CD46: variants seen among roughly 807,000 people sequenced by gnomAD.
CD46 encodes CD46 molecule, also known as membrane cofactor protein.
CD46 carries 30 observed loss-of-function variants against 53.3 expected under a neutral mutation model. The ratio of observed to expected loss-of-function variants is 0.56; its 90% CI spans 0.42 to 0.76. The LOEUF (loss-of-function observed/expected upper bound fraction) is 0.76. Among genes scored for constraint, CD46 ranks in the 30% least tolerant of loss-of-function variants. CD46 has a pLI of 0.00. For synonymous variants in CD46, 142 were observed against 152.0 expected (o/e 0.93, Z 0.48); for missense variants, 409 against 463.0 (o/e 0.88, Z 1.07).
intron 11 of CD46, among the ~76,000 whole-genome samples, chr1:207,790,009 A>T (rs186551309): frequency 1.0e-3 from 158 of 152,308 alleles, no homozygotes; most frequent in Non-Finnish European, 1.7e-3. Context: ...AACATATTAA[A>T]CAGGAATTTC....
intron 11 of CD46, among the ~76,000 whole-genome samples, chr1:207,786,766 C>G (rs1363376272): frequency 6.6e-6 from 1 of 152,016 alleles, no homozygotes; most frequent in African/African-American, 2.4e-5. Context: ...TTTGAAATAC[C>G]CATAATCCCT....
At chr1:207,788,270 A>T (rs1479950712) in intron 11 of CD46, among the ~76,000 whole-genome samples, 1 of 151,530 alleles carries the variant, frequency 6.6e-6, no homozygotes, top group African/African-American at 2.4e-5. Flanking sequence ...TAATCCCAGC[A>T]CTTTGGGAGG....
intron 8 of CD46, among the ~76,000 whole-genome samples, chr1:207,777,934 A>G (rs1174349493): frequency 6.6e-6 from 1 of 152,102 alleles, no homozygotes. Flanking sequence ...TTTTCTCTAC[A>G]ACCTCACCAG....
At chr1:207,770,916 C>A (rs1657450317) in intron 8 of CD46, among the ~76,000 whole-genome samples, 1 of 152,054 alleles carries the variant, frequency 6.6e-6, no homozygotes, top group Non-Finnish European at 1.5e-5. Flanking sequence ...GGGTATATAC[C>A]CAGTAAGGGA....
At chr1:207,782,095 T>C (rs1208890252) in intron 8 of CD46, among the ~76,000 whole-genome samples, 1 of 152,204 alleles carries the variant, frequency 6.6e-6, no homozygotes, top group Non-Finnish European at 1.5e-5. Context: ...TCTTTAATTT[T>C]TTTTAGCAGT....
At chr1:207,767,618 T>C (rs1657011073) in intron 6 of CD46, 161 bp from the exon 7 acceptor site, 1 of 1,612,960 alleles carries the variant, frequency 6.2e-7, no homozygotes, top group Non-Finnish European at 8.5e-7. Context: ...GCTGCCTCCA[T>C]CTAGTACAAA....
chr1:207,757,097 G>A lies in CD46; in HGVS notation c.181G>A (p.Asp61Asn), dbSNP rs1655632564. ...CTACTATGAGATTGGTGAACGAGTA[G>A]ATTATAAGTGTAAAAAAGGATACTT... ...KPYYEIGERV[D>N]YKCKKGYFYI... Residue 61 changes from aspartate to asparagine, a missense_variant, in exon 2 of 13, where the codon GAT becomes AAT. By Grantham distance (23) the Asp-to-Asn change is conservative. Transcript: ENST00000367042. The A allele has an allele frequency of 6.2e-7, 1 of 1,613,782 alleles. No homozygotes were observed. The highest frequency in any genetic ancestry group is 1.1e-5 in the South Asian group (1 of 91,080).
At chr1:207,782,172 A>G (rs1658808266) in intron 8 of CD46, among the ~76,000 whole-genome samples, 1 of 151,828 alleles carries the variant, frequency 6.6e-6, no homozygotes, top group Non-Finnish European at 1.5e-5. Flanking sequence ...ATTCTTTTTG[A>G]TGCTATTACA....
upstream of CD46, chr1:207,752,050 G>A: frequency 1.3e-6 from 1 of 763,060 alleles, no homozygotes; most frequent in East Asian, 2.5e-5. The surrounding 1 kb of genome is among the most constrained non-coding windows in gnomAD (Gnocchi z 4.1). Context: ...CTTCCGCCCC[G>A]GGCGCGGCTC....
At chr1:207,766,176 A>C (rs1234513090) in intron 5 of CD46, among the ~76,000 whole-genome samples, 2 of 152,308 alleles carry the variant, frequency 1.3e-5, no homozygotes, top group East Asian at 3.9e-4. Flanking sequence ...AAAGAGCATG[A>C]GGAAATTCTG....
rs1408224387 is a variant in CD46, at chr1:207,767,208, T to C, written c.856+13T>C. On this transcript the variant is annotated intron_variant, in intron 6 of 12. Transcript: ENST00000367042. ...AAGTGTCTTAAAGGTACAAAGGTTA[T>C]CTTTTTTCTGTCTTGGTTTGTTATT... The C allele has an allele frequency of 1.9e-6, 3 of 1,605,992 alleles. No homozygotes were observed. The highest frequency in any genetic ancestry group is 2.7e-5 in the African/African-American group (2 of 74,756).
Position 207,767,091 on chromosome 1 carries a change from C to G in CD46, c.752C>G (p.Thr251Arg). ...GGAAAAAAATTTTACTACAAAGCAACAGTTATGTTTGAATGCGATAAGGGT... is the reference window on the plus strand; with the variant it reads ...GGAAAAAAATTTTACTACAAAGCAAGAGTTATGTTTGAATGCGATAAGGGT... ...GFGKKFYYKA[T>R]VMFECDKGFY... The change falls in exon 6 of 13, where the codon ACA becomes AGA. Residue 251 changes from threonine to arginine, a missense_variant. Coordinates refer to ENST00000367042, the MANE Select transcript of CD46 (RefSeq NM_172351.3). 1 of 1,613,496 alleles carries G rather than the reference C, an allele frequency of 6.2e-7. No homozygotes were observed. Among genetic ancestry groups the G allele is most frequent in the Non-Finnish European group, 8.5e-7 (1 of 1,179,486 alleles).
intron 5 of CD46, 138 bp from the exon 6 acceptor site, chr1:207,766,875 T>C (rs1571616226): frequency 1.5e-6 from 1 of 678,252 alleles, no homozygotes; most frequent in Non-Finnish European, 2.6e-6. Flanking sequence ...TTAGTTAACA[T>C]TTAAAGTCTT....
chr1:207,780,424 A>G (rs546485025), intron 8 of CD46, among the ~76,000 whole-genome samples: 33 of 152,184 alleles, frequency 2.2e-4, no homozygotes, highest in Middle Eastern at 3.4e-3. Flanking sequence ...TGTATATACT[A>G]TATTTCATTT....
At chr1:207,785,139 CAA>C in intron 10 of CD46, 33 bp downstream of exon 10, 1 of 1,525,034 alleles carries the variant, frequency 6.6e-7, no homozygotes, top group Non-Finnish European at 9.1e-7. Context: ...CCACTTAAGT[CAA>C]AAAATTATTG....
chr1:207,764,503 C>G (rs1045986736), intron 5 of CD46, among the ~76,000 whole-genome samples: 1 of 152,242 alleles, frequency 6.6e-6, no homozygotes, highest in African/African-American at 2.4e-5. Context: ...TTCTGACTTC[C>G]CCCCATCCCT....
At chr1:207,760,876 C>T (rs1248122382) in intron 4 of CD46, 7 of 222,396 alleles carry the variant, frequency 3.1e-5, no homozygotes, top group Non-Finnish European at 6.4e-5. Context: ...ATCACGAGAA[C>T]AGCACCAAGG....
intron 7 of CD46, 138 bp downstream of exon 7, chr1:207,767,961 AGTT>A: frequency 2.4e-5 from 17 of 719,754 alleles, no homozygotes; most frequent in South Asian, 2.3e-4. Context: ...TAGCCATTTT[AGTT>A]GTTATACATA....
At chr1:207,786,438 A>G (rs1659280049) in intron 11 of CD46, among the ~76,000 whole-genome samples, 1 of 152,234 alleles carries the variant, frequency 6.6e-6, no homozygotes, top group African/African-American at 2.4e-5. Flanking sequence ...GTTTTAAAAC[A>G]TCAAACTCAA....
Sources: gnomAD v4.1 joint callset for allele counts (sites outside exome capture counted in the v4.1 genomes callset) on GRCh38, gnomAD v4.1.1 for gene constraint, Gnocchi (gnomAD v3.1) non-coding constraint, MANE v1.5 for transcripts, NCBI Gene and HGNC (gene_info 2026-07-23, HGNC 2026-07-21) for gene names.